Variants in TRPM3 observed in about 807,000 individuals in gnomAD.
The protein encoded by TRPM3 is transient receptor potential cation channel subfamily M member 3.
A neutral mutation model predicts 181.2 loss-of-function variants in TRPM3; 77 were observed. The observed-to-expected ratio is 0.42, with a 90% confidence interval of 0.35 to 0.51. TRPM3 has a LOEUF of 0.51. Among genes scored for constraint, TRPM3 ranks in the 20% least tolerant of loss-of-function variants. The pLI is 0.01. For synonymous variants in TRPM3, 745 were observed against 796.4 expected (o/e 0.94, Z 1.09); for missense variants, 1,759 against 2,196.7 (o/e 0.80, Z 3.98).
chr9:71,123,450 G>A (rs1334759743), upstream of TRPM3, among the ~76,000 whole-genome samples: 3 of 152,138 alleles, frequency 2.0e-5, no homozygotes, highest in African/African-American at 7.2e-5. Flanking sequence ...TATGGTTGTT[G>A]TGAGGACTAA....
intron 25 of TRPM3, among the ~76,000 whole-genome samples, chr9:70,542,393 A>T (rs2043668623): frequency 6.6e-6 from 1 of 152,210 alleles, no homozygotes; most frequent in Admixed American, 6.5e-5. Context: ...CCTCTTTCAT[A>T]TCTCCAGACC....
chr9:71,112,033 T>A (rs982507485), intron 1 of TRPM3, among the ~76,000 whole-genome samples: 2 of 152,118 alleles, frequency 1.3e-5, no homozygotes, highest in African/African-American at 2.4e-5. Flanking sequence ...GAAAAATAAA[T>A]CCTAAGTCAT....
chr9:70,834,029 G>A (rs191728215), intron 5 of TRPM3, among the ~76,000 whole-genome samples: 64 of 152,228 alleles, frequency 4.2e-4, no homozygotes, highest in South Asian at 8.3e-4. Flanking sequence ...CAATTATAGC[G>A]AGGCCAGAGC....
chr9:71,267,004 G>T (rs1490246700), intron 1 of TRPM3, among the ~76,000 whole-genome samples: 1 of 150,290 alleles, frequency 6.7e-6, no homozygotes, highest in Non-Finnish European at 1.5e-5. Flanking sequence ...AAGTTAATTT[G>T]ATTCCACATG....
intron 1 of TRPM3, among the ~76,000 whole-genome samples, chr9:71,379,558 T>C (rs1186778004): frequency 6.6e-6 from 1 of 152,004 alleles, no homozygotes; most frequent in Non-Finnish European, 1.5e-5. Flanking sequence ...TACAGAGGTT[T>C]TTAAGAATAC....
chr9:70,554,570 A>G (rs1233414642), intron 22 of TRPM3, among the ~76,000 whole-genome samples: 3 of 152,106 alleles, frequency 2.0e-5, no homozygotes, highest in African/African-American at 7.2e-5. Context: ...AAAAATACCA[A>G]TGCCCAGCTT....
chr9:71,306,537 C>A (rs979514923), intron 1 of TRPM3, among the ~76,000 whole-genome samples: 1 of 152,076 alleles, frequency 6.6e-6, no homozygotes, highest in Non-Finnish European at 1.5e-5. Context: ...ATTATAAATT[C>A]ACTATTCTGA....
intron 1 of TRPM3, among the ~76,000 whole-genome samples, chr9:71,252,934 G>C (rs988648277): frequency 1.4e-5 from 2 of 140,916 alleles, no homozygotes; most frequent in Non-Finnish European, 1.5e-5. Context: ...CAATCTGCCT[G>C]CTTTGGCCTC....
chr9:71,014,165 ATTAT>A (rs1255337988), intron 1 of TRPM3, among the ~76,000 whole-genome samples: 1 of 151,996 alleles, frequency 6.6e-6, no homozygotes, highest in African/African-American at 2.4e-5. Flanking sequence ...TTGGTTTATA[ATTAT>A]TATTTCAAGA....
chr9:70,592,504 G>GC (rs897893129), intron 21 of TRPM3, among the ~76,000 whole-genome samples: 1 of 152,166 alleles, frequency 6.6e-6, no homozygotes, highest in Non-Finnish European at 1.5e-5. Context: ...GTTTGCAGTA[G>GC]CCCCTAAGGC....
intron 22 of TRPM3, among the ~76,000 whole-genome samples, chr9:70,571,262 CA>C (rs1319729890): frequency 6.6e-6 from 1 of 152,146 alleles, no homozygotes; most frequent in Non-Finnish European, 1.5e-5. Flanking sequence ...TTTGGCAGGT[CA>C]CACAAGCTCC....
intron 1 of TRPM3, among the ~76,000 whole-genome samples, chr9:71,225,936 A>G (rs2080580280): frequency 6.9e-6 from 1 of 145,580 alleles, no homozygotes; most frequent in Admixed American, 7.2e-5. Flanking sequence ...GATTACAGGC[A>G]TGAGTTACCG....
intron 9 of TRPM3, among the ~76,000 whole-genome samples, chr9:70,642,855 T>A (rs1214212949): frequency 6.6e-6 from 1 of 152,206 alleles, no homozygotes; most frequent in African/African-American, 2.4e-5. Flanking sequence ...TGTGATTCAG[T>A]AGCTCTTGGG....
chr9:70,598,805 C>T, intron 20 of TRPM3, 135 bp from the exon 21 acceptor site: 1 of 1,070,288 alleles, frequency 9.3e-7, no homozygotes, highest in East Asian at 2.4e-5. Context: ...TACTTGCATG[C>T]TGTAAAAGTC....
At chr9:71,297,934 C>T (rs2086430802) in intron 1 of TRPM3, among the ~76,000 whole-genome samples, 1 of 152,136 alleles carries the variant, frequency 6.6e-6, no homozygotes, top group South Asian at 2.1e-4. Flanking sequence ...GCTCATAGCT[C>T]AGCAGACTTA....
At chr9:71,096,590 A>ACACTCTCT (rs1452142664) in intron 1 of TRPM3, among the ~76,000 whole-genome samples, 85 of 90,046 alleles carry the variant, frequency 9.4e-4, no homozygotes, top group South Asian at 2.9e-3. Flanking sequence ...ACACACACAC[A>ACACTCTCT]CTCTCTCTCT....
At chr9:71,216,998 T>G (rs1436994511) in intron 1 of TRPM3, among the ~76,000 whole-genome samples, 2 of 121,452 alleles carry the variant, frequency 1.6e-5, no homozygotes, top group African/African-American at 6.2e-5. Context: ...TCGCCCAGGC[T>G]GGAGTGCAGT....
intron 1 of TRPM3, among the ~76,000 whole-genome samples, chr9:70,999,995 T>C (rs2097582549): frequency 6.6e-6 from 1 of 152,170 alleles, no homozygotes; most frequent in South Asian, 2.1e-4. Context: ...TATTTTCATA[T>C]AATGCCATAA....
At chr9:71,432,323 CTTT>C (rs67905820) in intron 1 of TRPM3, among the ~76,000 whole-genome samples, 6 of 76,650 alleles carry the variant, frequency 7.8e-5, no homozygotes, top group East Asian at 7.8e-4. Context: ...AAAAGTAGGA[CTTT>C]TTTTTTTTTT....
Sources: gnomAD v4.1 joint callset for allele counts (sites outside exome capture counted in the v4.1 genomes callset) on GRCh38, gnomAD v4.1.1 for gene constraint, MANE v1.5 for transcripts, NCBI Gene and HGNC (gene_info 2026-07-23, HGNC 2026-07-21) for gene names.